Variants in KCNIP2 observed in about 807,000 individuals in gnomAD.
The protein encoded by KCNIP2 is potassium voltage-gated channel interacting protein 2.
A neutral mutation model predicts 39.0 loss-of-function variants in KCNIP2; 19 were observed. That is an observed-to-expected ratio of 0.49 (90% CI 0.34 to 0.71). KCNIP2 has a LOEUF of 0.71. Among genes scored for constraint, KCNIP2 ranks in the 30% least tolerant of loss-of-function variants. The probability of loss-of-function intolerance (pLI) is 0.01; values close to 1 mark genes in which losing one functional copy is unlikely to be tolerated. For missense variants in KCNIP2, 261 were observed against 346.0 expected (o/e 0.75, Z 1.95); for synonymous variants, 111 against 131.2 (o/e 0.85, Z 1.05).
At position 101,843,522 on chromosome 10, in the gene KCNIP2, A is replaced by G; in HGVS notation, c.47T>C (p.Leu16Pro). 6.3e-7 allele frequency: 1 copy of G among 1,581,304 alleles called. No homozygotes were observed. The highest frequency in any genetic ancestry group is 8.6e-7 in the Non-Finnish European group (1 of 1,165,320). Residue 16 changes from leucine to proline, a missense_variant, in exon 1 of 10, where the codon CTG becomes CCG. By Grantham distance (98) the Leu-to-Pro change is moderately conservative. Transcript: ENST00000356640. This position sits in a 1 kb window ranked among gnomAD's most constrained non-coding sequence, Gnocchi z 6.7. ...CGTGAGCTGGTCGTAGGAGCCGTCCAGGTCTCGGGAATCGGACAAACTCTC... is the reference window on the plus strand; with the variant it reads ...CGTGAGCTGGTCGTAGGAGCCGTCCGGGTCTCGGGAATCGGACAAACTCTC... Reference protein sequence around the residue: ...RKESLSDSRDLDGSYDQLTGH... With the variant: ...RKESLSDSRDPDGSYDQLTGH...
At chr10:101,839,042 T>C (rs547372420) in intron 1 of KCNIP2, among the ~76,000 whole-genome samples, 2 of 152,168 alleles carry the variant, frequency 1.3e-5, no homozygotes, top group Non-Finnish European at 2.9e-5. Context: ...CACAACCAAC[T>C]TAGAGGCTCA....
intron 2 of KCNIP2, among the ~76,000 whole-genome samples, chr10:101,830,108 C>T (rs1039818747): frequency 1.5e-4 from 23 of 152,150 alleles, no homozygotes; most frequent in African/African-American, 5.5e-4. Flanking sequence ...TGGGACCCAT[C>T]TAAGTCCAAC....
intron 1 of KCNIP2, among the ~76,000 whole-genome samples, chr10:101,836,274 CTTTTTTTTTTTTT>C (rs976487755): frequency 8.0e-6 from 1 of 124,660 alleles, no homozygotes; most frequent in South Asian, 2.5e-4. Context: ...TTTTTTTTCT[CTTTTTTTTTTTTT>C]TTTTTTTTGA....
At chr10:101,842,935 C>G (rs892952158) in intron 1 of KCNIP2, among the ~76,000 whole-genome samples, 4 of 152,210 alleles carry the variant, frequency 2.6e-5, no homozygotes, top group African/African-American at 9.7e-5. Context: ...TACAAAGAGA[C>G]AAGCCACCCT....
In KCNIP2 at chr10:101,836,176, G is replaced by A. The variant is rs143624890; in HGVS notation, c.74-5009C>T. On this transcript the variant is annotated intron_variant, in intron 1 of 9. Transcript: ENST00000356640. ...ATACAGCCACCACCGGGGGGCACGC[G>A]TCCAACCTCACACAGTACCATACAC... 4.3e-4 allele frequency among the ~76,000 whole-genome samples: 66 copies of A among 152,056 alleles called. 1 individual carries two copies. In the East Asian group the frequency reaches 6.6e-3, roughly 15 times the overall value.
intron 1 of KCNIP2, among the ~76,000 whole-genome samples, chr10:101,835,865 C>A (rs959137455): frequency 6.6e-6 from 1 of 152,192 alleles, no homozygotes; most frequent in Non-Finnish European, 1.5e-5. Flanking sequence ...ATACTATTAT[C>A]CTCATATTAC....
rs1435997869 is a variant in KCNIP2 at position 101,827,931 on chromosome 10, G to C, written c.660C>G (p.Leu220=). 8.7e-6 allele frequency: 14 copies of C among 1,613,954 alleles called. No homozygotes were observed. The Middle Eastern group carries it at 4.9e-4, about 57-fold the overall frequency. The change falls in exon 8 of 10, where the codon CTC becomes CTG. Residue 220 remains leucine (L), a synonymous_variant. Transcript: ENST00000356640. ...DMMGKYTYPA[L]REEAPREHVE... ...CGTGTTCCCTTGGGGCCTCCTCCCG[G>C]AGTGCAGGGTACGTGTACTTGCCCA...
chr10:101,839,467 C>G (rs1471707073), intron 1 of KCNIP2, among the ~76,000 whole-genome samples: 2 of 152,188 alleles, frequency 1.3e-5, no homozygotes, highest in Non-Finnish European at 2.9e-5. Context: ...TTAAGGCCCC[C>G]TCCTCTGCCT....
Position 101,828,955 on chromosome 10 carries a change from G to A in KCNIP2, c.348+120C>T. The A allele has an allele frequency of 6.6e-7, 1 of 1,521,926 alleles. No homozygotes were observed. The highest frequency in any genetic ancestry group is 8.8e-7 in the Non-Finnish European group (1 of 1,131,192). The allele number at this position is 1,521,926 out of a possible 1,614,324, so 94.3% of individuals were successfully genotyped here. ...ACCTCCAGCTAGAAGTTCAGTCTCA[G>A]GGCCTTGCCTCCCTTCCGCCCACAC... On this transcript the variant is annotated intron_variant, in intron 4 of 9. Transcript: ENST00000356640. The surrounding 1 kb of genome is among the most constrained non-coding windows in gnomAD (Gnocchi z 6.6).
Position 101,843,597 on chromosome 10 carries a change from C to T in KCNIP2, c.-29G>A. ...CCCCGGCGCCCCGCTCCCGCCCGGG[C>T]CGTGGGAGGGGGCGCCGGGTGGCCG... On this transcript the variant is annotated 5_prime_UTR_variant, in exon 1 of 10. Coordinates refer to ENST00000356640, the MANE Select transcript of KCNIP2 (RefSeq NM_173191.3). The surrounding 1 kb of genome is among the most constrained non-coding windows in gnomAD (Gnocchi z 6.7). 1.4e-6 allele frequency: 2 copies of T among 1,399,028 alleles called. No individual in the cohort carries two copies. The highest frequency in any genetic ancestry group is 3.2e-5 in the Admixed American group (1 of 31,170). 86.7% of individuals were successfully genotyped at this position (1,399,028 alleles called of 1,614,324 possible).
chr10:101,827,348 G>A lies in KCNIP2; in HGVS notation c.*5C>T, dbSNP rs1292972581. On this transcript the variant is annotated 3_prime_UTR_variant, in exon 10 of 10. Coordinates refer to ENST00000356640, the MANE Select transcript of KCNIP2 (RefSeq NM_173191.3). ...CCAGGAAACACTGACCCCCTCTCCT[G>A]GGGGCTAGATGACATTGTCAAAGAG... 2 of 1,600,834 alleles carry A rather than the reference G, an allele frequency of 1.2e-6. No individual in the cohort carries two copies. Among genetic ancestry groups the A allele is most frequent in the Non-Finnish European group, 1.7e-6 (2 of 1,170,440 alleles).
Position 101,828,556 on chromosome 10 carries a change from C to T in KCNIP2, c.418+71G>A. 1.2e-6 allele frequency: 2 copies of T among 1,600,584 alleles called. No homozygotes were observed. The highest frequency in any genetic ancestry group is 1.7e-5 in the Admixed American group (1 of 59,754). ...CCCCCCATCACCTTGGCATTCCCAG[C>T]TCCTCCAGAATCCCTCCCTCCCTCA... On this transcript the variant is annotated intron_variant, in intron 5 of 9. Transcript: ENST00000356640. This position sits in a 1 kb window ranked among gnomAD's most constrained non-coding sequence, Gnocchi z 6.6.
At chr10:101,833,315 T>G (rs905868539) in intron 1 of KCNIP2, among the ~76,000 whole-genome samples, 7 of 151,964 alleles carry the variant, frequency 4.6e-5, no homozygotes, top group Non-Finnish European at 8.8e-5. Context: ...GACTTTGGGG[T>G]GGGCTGGGGA....
At position 101,843,497 on chromosome 10, in the gene KCNIP2, C is replaced by G. The variant is rs1184502821; in HGVS notation, c.72G>C (p.Thr24=). The G allele has an allele frequency of 6.3e-7, 1 of 1,576,060 alleles. No individual in the cohort carries two copies. The highest frequency in any genetic ancestry group is 8.6e-7 in the Non-Finnish European group (1 of 1,161,918). ...RDLDGSYDQL[T]GHPPGPTKKA... ...GCGACCCCCACGTCACTGACTCACC[C>G]GTGAGCTGGTCGTAGGAGCCGTCCA... Residue 24 remains threonine (T), a splice_region_variant and synonymous_variant, in exon 1 of 10, where the codon ACG becomes ACC. Coordinates refer to ENST00000356640, the MANE Select transcript of KCNIP2 (RefSeq NM_173191.3). This position sits in a 1 kb window ranked among gnomAD's most constrained non-coding sequence, Gnocchi z 6.7.
chr10:101,831,190 G>A (rs1357026514), intron 1 of KCNIP2, 23 bp from the exon 2 acceptor site: 2 of 1,543,324 alleles, frequency 1.3e-6, no homozygotes, highest in Admixed American at 1.9e-5. Flanking sequence ...AAGACCCCAG[G>A]AAGGCACATT....
At position 101,828,842 on chromosome 10, in the gene KCNIP2, G is replaced by A. The variant is rs2065848838; in HGVS notation, c.349-146C>T. 1.3e-6 allele frequency: 2 copies of A among 1,567,244 alleles called. No individual in the cohort carries two copies. Among genetic ancestry groups the A allele is most frequent in the South Asian group, 1.2e-5 (1 of 86,226 alleles). On this transcript the variant is annotated intron_variant, in intron 4 of 9. Coordinates refer to ENST00000356640, the MANE Select transcript of KCNIP2 (RefSeq NM_173191.3). The surrounding 1 kb of genome is among the most constrained non-coding windows in gnomAD (Gnocchi z 6.6). ...ACCACGTGGCTCATGTGATGGGAGG[G>A]AAGACTTCTTTCCCAGTGCACAAAT...
rs1337411676 is a variant in KCNIP2 at position 101,828,032 on chromosome 10, C to T, written c.598-39G>A. On this transcript the variant is annotated intron_variant, in intron 7 of 9. Transcript: ENST00000356640. The surrounding 1 kb of genome is among the most constrained non-coding windows in gnomAD (Gnocchi z 6.6). The stretch of plus-strand genomic sequence containing the variant: ...AGAGAAGAGGATCCTTCCTCAGAGC[C>T]TCCAGCCTCCCTTGATCCCTTGCTT... 4 of 1,580,512 alleles carry T rather than the reference C, an allele frequency of 2.5e-6. No individual in the cohort carries two copies. In the East Asian group the frequency reaches 8.9e-5, roughly 35 times the overall value.
chr10:101,834,956 G>T (rs1440154505), intron 1 of KCNIP2, among the ~76,000 whole-genome samples: 1 of 152,200 alleles, frequency 6.6e-6, no homozygotes, highest in African/African-American at 2.4e-5. Flanking sequence ...TGTCACAGAG[G>T]TGTGTGTTTG....
intron 1 of KCNIP2, chr10:101,839,685 C>A (rs2066262639): frequency 7.0e-7 from 1 of 1,431,954 alleles, no homozygotes; most frequent in Non-Finnish European, 9.8e-7. Context: ...CCTACCTCTG[C>A]GGAGCTCCTA....
Sources: allele counts gnomAD v4.1 joint callset (sites outside exome capture counted in the v4.1 genomes callset), GRCh38; gene constraint gnomAD v4.1.1; non-coding constraint Gnocchi (gnomAD v3.1); transcripts MANE v1.5; gene names NCBI Gene and HGNC (gene_info 2026-07-23, HGNC 2026-07-21).